The following DUSP15 variants were observed in gnomAD, a reference collection of about 807,000 sequenced individuals.
The protein encoded by DUSP15 is dual specificity protein phosphatase 15.
DUSP15 carries 23 observed loss-of-function variants against 26.3 expected under a neutral mutation model. That is an observed-to-expected ratio of 0.87 (90% CI 0.63 to 1.24). DUSP15 has a LOEUF of 1.24. Ranked by LOEUF, DUSP15 falls within the 50% of genes most tolerant of loss-of-function variation. The pLI, the probability that DUSP15 is intolerant of heterozygous loss-of-function variation, is 0.00. For synonymous variants in DUSP15, 143 were observed against 135.5 expected, an observed-to-expected ratio of 1.06 and a Z score of -0.39; for missense variants, 364 against 320.6, an observed-to-expected ratio of 1.14 and a Z score of -1.03.
intron 2 of DUSP15, 151 bp from the exon 3 acceptor site, chr20:31,867,304 T>C: frequency 1.5e-6 from 1 of 675,828 alleles, no homozygotes; most frequent in Non-Finnish European, 2.6e-6. Flanking sequence ...CTCTTGCTTC[T>C]GGGGCACATG....
chr20:31,858,640 G>T (rs955620708), downstream of DUSP15, among the ~76,000 whole-genome samples: 3 of 152,190 alleles, frequency 2.0e-5, no homozygotes, highest in Non-Finnish European at 4.4e-5. The surrounding 1 kb of genome is among the most constrained non-coding windows in gnomAD (Gnocchi z 4.4). Flanking sequence ...GTCTCAGGAG[G>T]CCGGCCCCCA....
intron 2 of DUSP15, 96 bp downstream of exon 2, chr20:31,869,468 C>G: frequency 5.3e-6 from 8 of 1,513,072 alleles, no homozygotes; most frequent in Non-Finnish European, 7.2e-6. Flanking sequence ...GCCCCCAACC[C>G]CATTCCTGAG....
intron 2 of DUSP15, 96 bp from the exon 3 acceptor site, chr20:31,867,249 AC>A: frequency 1.8e-6 from 2 of 1,082,786 alleles, no homozygotes; most frequent in Non-Finnish European, 2.7e-6. Flanking sequence ...TCTCCCTCTC[AC>A]CCCACCACTC....
At chr20:31,850,853 G>A (rs2062456976) in intron 6 of DUSP15, among the ~76,000 whole-genome samples, 1 of 152,136 alleles carries the variant, frequency 6.6e-6, no homozygotes, top group Admixed American at 6.5e-5. Flanking sequence ...CCAGCCTGTG[G>A]GGCCACTCCT....
intron 2 of DUSP15, among the ~76,000 whole-genome samples, chr20:31,867,631 G>GTTTTTTTTTTTTTTTTT (rs57662463): frequency 1.3e-5 from 1 of 77,652 alleles, no homozygotes; most frequent in African/African-American, 5.5e-5. Context: ...TGCCCACAAT[G>GTTTTTTTTTTTTTTTTT]TTTTTTTTTT....
rs769094082 is a variant in DUSP15, at chr20:31,863,949, A to G, written c.221T>C (p.Ile74Thr). 1.2e-6 allele frequency: 2 copies of G among 1,611,700 alleles called. No homozygotes were observed. Among genetic ancestry groups the G allele is most frequent in the Admixed American group, 1.7e-5 (1 of 59,918 alleles). Residue 74 changes from isoleucine to threonine, a missense_variant, in exon 5 of 7, where the codon ATC becomes ACC. Ile to Thr is a moderately conservative substitution (Grantham distance 89). Coordinates refer to ENST00000339738, the MANE Select transcript of DUSP15 (RefSeq NM_080611.5). ...KKHFKECINFIHCCRLNGGNC... is the reference protein window; with the variant it reads ...KKHFKECINFTHCCRLNGGNC... The stretch of plus-strand genomic sequence containing the variant: ...CCCCCCATTAAGGCGGCAGCAGTGG[A>G]TGAAGTTGATACATTCTTTGAAGTG...
intron 5 of DUSP15, chr20:31,863,581 C>T: frequency 3.8e-6 from 1 of 263,568 alleles, no homozygotes; most frequent in Non-Finnish European, 7.4e-6. Context: ...AGGAGGGAGG[C>T]CCAGAACTAC....
exon 9 of DUSP15, chr20:31,848,882 T>C (rs2062414312): frequency 6.2e-7 from 1 of 1,611,882 alleles, no homozygotes; most frequent in Non-Finnish European, 8.5e-7. Flanking sequence ...ACAGATCTGG[T>C]ACTTTGGGTC....
At chr20:31,848,926 A>G in intron 8 of DUSP15, 1 of 1,594,812 alleles carries the variant, frequency 6.3e-7, no homozygotes, top group East Asian at 2.2e-5. Flanking sequence ...ACACAATTAT[A>G]CGACACTGAG....
chr20:31,869,574 T>G lies in DUSP15; in HGVS notation c.45A>C (p.Gly15=), dbSNP rs1383636907. ...GTGGGCAGTGCTCACCAATGAAGTT[T>G]CCGAGGTAGAGTCCAGGAAGTACCT... ...MTKVLPGLYL[G]NFIDAKDLDQ... is the part of the protein sequence containing the mutation. Residue 15 remains glycine (G), a synonymous_variant, in exon 2 of 7, where the codon GGA becomes GGC. Coordinates refer to ENST00000339738, the MANE Select transcript of DUSP15 (RefSeq NM_080611.5). The G allele has an allele frequency of 6.2e-7, 1 of 1,613,384 alleles. No homozygotes were observed. Among genetic ancestry groups the G allele is most frequent in the East Asian group, 2.2e-5 (1 of 44,844 alleles).
intron 3 of DUSP15, among the ~76,000 whole-genome samples, chr20:31,865,615 A>G (rs1008551563): frequency 3.9e-5 from 6 of 152,116 alleles, no homozygotes; most frequent in Non-Finnish European, 8.8e-5. Context: ...TTATATTCAA[A>G]TGGCTCTTTT....
intron 2 of DUSP15, among the ~76,000 whole-genome samples, chr20:31,867,811 A>T (rs1037617641): frequency 4.4e-4 from 67 of 151,646 alleles, no homozygotes; most frequent in African/African-American, 1.2e-3. Flanking sequence ...CACCCGGCTA[A>T]TTTTTTTGCA....
intron 8 of DUSP15, chr20:31,849,588 C>G (rs1426472898): frequency 3.7e-6 from 5 of 1,355,110 alleles, no homozygotes; most frequent in Admixed American, 1.7e-5. Context: ...CGCCTGCGCT[C>G]CACCTTGTTG....
At chr20:31,869,523 G>A (rs1201787362) in intron 2 of DUSP15, 41 bp downstream of exon 2, 1 of 1,602,802 alleles carries the variant, frequency 6.2e-7, no homozygotes, top group Non-Finnish European at 8.5e-7. Flanking sequence ...CCTGAGACAG[G>A]CAGAGTGCCA....
At chr20:31,857,349 C>T (rs550523472), downstream of DUSP15, among the ~76,000 whole-genome samples, 8 of 151,414 alleles carry the variant, frequency 5.3e-5, no homozygotes, top group South Asian at 1.7e-3. Flanking sequence ...TAGAGACGGG[C>T]TCTCACTATG....
exon 10 of DUSP15, chr20:31,848,417 G>A: frequency 6.2e-7 from 1 of 1,611,896 alleles, no homozygotes; most frequent in Non-Finnish European, 8.5e-7. Context: ...GCGGGTACAA[G>A]AAGAGGAAGC....
At chr20:31,867,359 T>C (rs1218186076) in intron 2 of DUSP15, among the ~76,000 whole-genome samples, 1 of 152,218 alleles carries the variant, frequency 6.6e-6, no homozygotes, top group Non-Finnish European at 1.5e-5. Context: ...ATTCTGTTCT[T>C]TCCATCCAAA....
chr20:31,854,255 CA>C (rs2062522348), intron 6 of DUSP15, among the ~76,000 whole-genome samples: 1 of 152,166 alleles, frequency 6.6e-6, no homozygotes, highest in Non-Finnish European at 1.5e-5. Context: ...GACACCAAAA[CA>C]GAAAAGCCAC....
intron 6 of DUSP15, among the ~76,000 whole-genome samples, chr20:31,851,293 A>G (rs888784188): frequency 6.6e-6 from 1 of 151,970 alleles, no homozygotes; most frequent in South Asian, 2.1e-4. Context: ...GGTGGGGGTG[A>G]TGAGCACAGA....
Sources: gnomAD v4.1 joint callset for allele counts (sites outside exome capture counted in the v4.1 genomes callset) on GRCh38, gnomAD v4.1.1 for gene constraint, Gnocchi (gnomAD v3.1) non-coding constraint, MANE v1.5 for transcripts, NCBI Gene and HGNC (gene_info 2026-07-23, HGNC 2026-07-21) for gene names.